DONSON: variants seen among roughly 807,000 people sequenced by gnomAD.
DONSON encodes the protein protein downstream neighbor of Son.
A neutral mutation model predicts 62.1 loss-of-function variants in DONSON; 43 were observed. That is an observed-to-expected ratio of 0.69 (90% CI 0.54 to 0.89). DONSON has a LOEUF of 0.89. Among genes scored for constraint, DONSON ranks in the 40% least tolerant of loss-of-function variants. The pLI, the probability that DONSON is intolerant of heterozygous loss-of-function variation, is 0.00. For missense variants in DONSON, 696 were observed against 697.5 expected (o/e 1.00, Z 0.03); for synonymous variants, 266 against 264.6 (o/e 1.01, Z -0.05).
At position 33,578,350 on chromosome 21, in the gene DONSON, C is replaced by T. The variant is rs748637250; in HGVS notation, c.1658G>A (p.Arg553Gln). ...QIPLLGKSSLRNVVLRDYIYN... is the reference protein window; with the variant it reads ...QIPLLGKSSLQNVVLRDYIYN... ...AATGTAGTCTCTCAGCACCACATTC[C>T]GTAAAGATGATTTCCCAAGTAACGG... Residue 553 changes from arginine to glutamine, a missense_variant, in exon 10 of 10, where the codon CGG (arginine) becomes CAG (glutamine). Arg to Gln is a conservative substitution (Grantham distance 43). Transcript: ENST00000303071. 1.1e-5 allele frequency: 18 copies of T among 1,613,856 alleles called. No individual in the cohort carries two copies. The highest frequency in any genetic ancestry group is 3.3e-5 in the South Asian group (3 of 91,082).
intron 3 of DONSON, among the ~76,000 whole-genome samples, chr21:33,585,168 A>C (rs2086563292): frequency 6.6e-6 from 1 of 152,172 alleles, no homozygotes; most frequent in African/African-American, 2.4e-5. Flanking sequence ...TATTGAAAAG[A>C]TGTATAATAT....
intron 5 of DONSON, 99 bp from the exon 6 acceptor site, chr21:33,582,345 CA>C (rs2086522504): frequency 2.1e-6 from 2 of 938,822 alleles, no homozygotes; most frequent in Non-Finnish European, 3.3e-6. Context: ...TTAGTTTTTA[CA>C]AATGATCTAT....
chr21:33,583,690 A>C, intron 4 of DONSON, 24 bp from the exon 5 acceptor site: 1 of 1,547,486 alleles, frequency 6.5e-7, no homozygotes, highest in Non-Finnish European at 8.8e-7. Context: ...AAATTTTCTT[A>C]AGGTATTATT....
chr21:33,581,421 A>C lies in DONSON; in HGVS notation c.1231T>G (p.Leu411Val), dbSNP rs771456201. ...VLVKGINTFT[L>V]LNFLINSKSL... is the part of the protein sequence containing the mutation. The stretch of plus-strand genomic sequence containing the variant: ...TTAGAGTTAATCAAAAAATTGAGCA[A>C]TGTAAAGGTGTTGATTCCTTTTACC... Residue 411 changes from leucine to valine, a missense_variant, in exon 8 of 10, where the codon TTG becomes GTG. By Grantham distance (32) the Leu-to-Val change is conservative. Coordinates refer to ENST00000303071, the MANE Select transcript of DONSON (RefSeq NM_017613.4). The C allele has an allele frequency of 1.9e-6, 3 of 1,614,156 alleles. No homozygotes were observed. The Admixed American group carries it at 5.0e-5, about 27-fold the overall frequency.
At chr21:33,581,590 T>G (rs2086511605) in intron 7 of DONSON, 90 bp from the exon 8 acceptor site, 1 of 1,038,778 alleles carries the variant, frequency 9.6e-7, no homozygotes, top group Non-Finnish European at 1.4e-6. Flanking sequence ...GAGACTCCTT[T>G]TCTCCATAAT....
chr21:33,578,398 G>GT lies in DONSON; in HGVS notation c.1609dup (p.Thr537AsnfsTer6). On this transcript the variant is annotated frameshift_variant, in exon 10 of 10. Transcript: ENST00000303071. LOFTEE classifies it high-confidence loss of function. ...CGGTATTTGACTAAGTTGCTCCAGA[G>GT]TGTTAGGGTGCAAACCACAGTTAGT... The GT allele has an allele frequency of 1.9e-6, 3 of 1,614,054 alleles. No individual in the cohort carries two copies. The highest frequency in any genetic ancestry group is 2.5e-6 in the Non-Finnish European group (3 of 1,179,966).
chr21:33,584,955 T>C (rs535878550), intron 3 of DONSON, among the ~76,000 whole-genome samples, 187 bp from the exon 4 acceptor site: 2 of 152,334 alleles, frequency 1.3e-5, no homozygotes, highest in South Asian at 4.1e-4. Flanking sequence ...TGGTAAGCCG[T>C]AGTATCAGAA....
intron 8 of DONSON, among the ~76,000 whole-genome samples, chr21:33,580,858 TGACA>T (rs1432017796): frequency 6.6e-6 from 1 of 151,486 alleles, no homozygotes; most frequent in Non-Finnish European, 1.5e-5. Flanking sequence ...CTGCAGCCGG[TGACA>T]GAGTGGGACT....
At chr21:33,583,200 CAA>C (rs552034893) in intron 5 of DONSON, among the ~76,000 whole-genome samples, 285 of 58,878 alleles carry the variant, frequency 4.8e-3, no homozygotes, top group African/African-American at 0.019. Context: ...GTCTCCATCT[CAA>C]AAAAAAAAAA....
intron 2 of DONSON, among the ~76,000 whole-genome samples, chr21:33,587,065 G>C (rs967726879): frequency 2.6e-5 from 4 of 152,140 alleles, no homozygotes; most frequent in Non-Finnish European, 5.9e-5. Context: ...GTTCCCATTA[G>C]GACAAACCGC....
chr21:33,581,830 T>G, intron 7 of DONSON, 121 bp downstream of exon 7: 1 of 872,408 alleles, frequency 1.1e-6, no homozygotes, highest in East Asian at 2.6e-5. Flanking sequence ...AATGGAGAAT[T>G]AGTTTTAATA....
chr21:33,579,629 T>G, intron 8 of DONSON, 67 bp from the exon 9 acceptor site: 1 of 1,305,446 alleles, frequency 7.7e-7, no homozygotes, highest in Middle Eastern at 1.9e-4. Context: ...GCCAAAAATA[T>G]GTTCAATATA....
chr21:33,586,940 A>G (rs2086584138), intron 2 of DONSON, among the ~76,000 whole-genome samples: 1 of 152,204 alleles, frequency 6.6e-6, no homozygotes, highest in African/African-American at 2.4e-5. Flanking sequence ...GTGCCCGGCC[A>G]AGCATTCTTT....
rs930154684 is a variant in DONSON, at chr21:33,577,605, A to C, written c.*702T>G. On this transcript the variant is annotated 3_prime_UTR_variant, in exon 10 of 10. Coordinates refer to ENST00000303071, the MANE Select transcript of DONSON (RefSeq NM_017613.4). ...AATGTGAATTATACAGTCCCCCCCT[A>C]CACACACACACACACACACACACAC... 18 of 1,652 alleles carry C rather than the reference A, an allele frequency of 0.011. No homozygotes were observed. Among genetic ancestry groups the C allele is most frequent in the African/African-American group, 0.032 (17 of 536 alleles). The allele number at this position is 1,652 out of a possible 1,614,324, so 0.1% of individuals were successfully genotyped here. A position where few individuals can be genotyped will look rare whatever the true frequency, so the allele number is the denominator to read the frequency against.
At position 33,578,453 on chromosome 21, in the gene DONSON, ATG is replaced by A. The variant is rs757031355; in HGVS notation, c.1564-11_1564-10del. 2.5e-6 allele frequency: 4 copies of A among 1,612,168 alleles called. No homozygotes were observed. The highest frequency in any genetic ancestry group is 1.3e-5 in the African/African-American group (1 of 74,986). On this transcript the variant is annotated splice_polypyrimidine_tract_variant and intron_variant, in intron 9 of 9. Coordinates refer to ENST00000303071, the MANE Select transcript of DONSON (RefSeq NM_017613.4). ...TCCTTATGAACAACCTCCTGTGGAA[ATG>A]TGTGTACAAGTCAGTAAAAAGCACA...
At position 33,579,486 on chromosome 21, in the gene DONSON, A is replaced by T. The variant is rs749015296; in HGVS notation, c.1427T>A (p.Ile476Asn). ...CAGTGAATGCAGAGAATGAGGCATG[A>T]TAGGACCTGTAATCTCCAAACTAAA... Reference protein sequence around the residue: ...DQFSLEITGPIMPHSLHSLTM... With the variant: ...DQFSLEITGPNMPHSLHSLTM... Residue 476 changes from isoleucine (I) to asparagine (N), a missense_variant, in exon 9 of 10, where the codon ATC becomes AAC. By Grantham distance (149) the Ile-to-Asn change is moderately radical. Coordinates refer to ENST00000303071, the MANE Select transcript of DONSON (RefSeq NM_017613.4). 1 of 1,614,250 alleles carries T rather than the reference A, an allele frequency of 6.2e-7. No individual in the cohort carries two copies. The highest frequency in any genetic ancestry group is 8.5e-7 in the Non-Finnish European group (1 of 1,180,020).
Position 33,587,873 on chromosome 21 carries a change from C to A in DONSON, c.322-271G>T, listed in dbSNP as rs115329960. ...GCTAGTGAATTCTGACCCCACGAATCCTCGACATTCCCCCATCTCCAGAAT... is the reference window on the plus strand; with the variant it reads ...GCTAGTGAATTCTGACCCCACGAATACTCGACATTCCCCCATCTCCAGAAT... On this transcript the variant is annotated intron_variant, in intron 1 of 9. Transcript: ENST00000303071. 8.4e-3 allele frequency among the ~76,000 whole-genome samples: 1,287 copies of A among 152,324 alleles called. 10 individuals carry two copies. The highest frequency in any genetic ancestry group is 0.013 in the Non-Finnish European group (905 of 68,030).
intron 8 of DONSON, 135 bp downstream of exon 8, chr21:33,581,167 C>T (rs1315657643): frequency 7.6e-6 from 6 of 788,724 alleles, no homozygotes; most frequent in African/African-American, 5.3e-5. Context: ...ATTTTTGTTT[C>T]TTTTTTTAAT....
rs751148410 is a variant in DONSON at position 33,581,506 on chromosome 21, G to A, written c.1152-6C>T. 12 of 1,609,352 alleles carry A rather than the reference G, an allele frequency of 7.5e-6. No individual in the cohort carries two copies. The highest frequency in any genetic ancestry group is 4.2e-6 in the Non-Finnish European group (5 of 1,177,146). ...CTTCATGTTTCTCTTTACGCCTGAA[G>A]ATGACAATCAAGGAAATTGCAAAAG... is the stretch of plus-strand genomic sequence containing the variant. On this transcript the variant is annotated splice_region_variant and splice_polypyrimidine_tract_variant and intron_variant, in intron 7 of 9. Coordinates refer to ENST00000303071, the MANE Select transcript of DONSON (RefSeq NM_017613.4).
Sources: gnomAD v4.1 joint callset for allele counts (sites outside exome capture counted in the v4.1 genomes callset) on GRCh38, gnomAD v4.1.1 for gene constraint, MANE v1.5 for transcripts, NCBI Gene and HGNC (gene_info 2026-07-23, HGNC 2026-07-21) for gene names.